The following ADD1 variants were observed in gnomAD, a reference collection of about 807,000 sequenced individuals.
ADD1 encodes the protein alpha-adducin.
Under a neutral mutation model 80.5 loss-of-function variants are expected in ADD1, and 24 were observed. The ratio of observed to expected loss-of-function variants is 0.30; its 90% confidence interval spans 0.22 to 0.42. The LOEUF is 0.42. Ranked by LOEUF, ADD1 falls within the 10% of genes least tolerant of loss-of-function variation. The pLI, the probability that ADD1 is intolerant of heterozygous loss-of-function variation, is 1.00. For missense variants in ADD1, 948 were observed against 1,019.0 expected, an observed-to-expected ratio of 0.93 and a Z score of 0.95; for synonymous variants, 373 against 393.8, an observed-to-expected ratio of 0.95 and a Z score of 0.63.
chr4:2,866,175 A>G (rs541701127), intron 1 of ADD1, among the ~76,000 whole-genome samples: 4 of 152,194 alleles, frequency 2.6e-5, no homozygotes, highest in Admixed American at 1.3e-4. Context: ...ATGTTATTTT[A>G]TTTTATTTTT....
intron 6 of ADD1, among the ~76,000 whole-genome samples, chr4:2,895,615 G>A (rs995921325): frequency 6.6e-6 from 1 of 152,158 alleles, no homozygotes; most frequent in African/African-American, 2.4e-5. Context: ...TGGGAGAGGA[G>A]ACACAGGCAG....
Position 2,895,147 on chromosome 4 carries a change from A to C in ADD1, c.741+416A>C, listed in dbSNP as rs181426263. ...GTGGTGCGTGCCTGTACTTCCAGCT[A>C]CTTGGGAGGCTGAGGTGGGAAGATT... On this transcript the variant is annotated intron_variant, in intron 6 of 15. Transcript: ENST00000683351. 1.4e-4 allele frequency among the ~76,000 whole-genome samples: 21 copies of C among 152,234 alleles called. No individual in the cohort carries two copies. In the East Asian group the frequency reaches 3.9e-3, roughly 28 times the overall value.
chr4:2,848,031 A>G lies in ADD1; in HGVS notation c.-21+4007A>G, dbSNP rs369626067. Among the ~76,000 whole-genome samples, 166 of 152,244 alleles carry G rather than the reference A, an allele frequency of 1.1e-3. 1 individual carries two copies. The highest frequency in any genetic ancestry group is 3.6e-3 in the Admixed American group (55 of 15,298). On this transcript the variant is annotated intron_variant, in intron 1 of 15. Coordinates refer to ENST00000683351, the MANE Select transcript of ADD1 (RefSeq NM_001354761.2). ...GGAGTTCGAGGCCAGCCTGGCCAGC[A>G]TGATGAAACCCTGTCTCTACTAAAA...
chr4:2,860,238 C>T (rs1010112177), intron 1 of ADD1, among the ~76,000 whole-genome samples: 1 of 152,110 alleles, frequency 6.6e-6, no homozygotes, highest in Non-Finnish European at 1.5e-5. Flanking sequence ...GTCTCCAAAT[C>T]GAGTCATCTA....
chr4:2,891,551 G>A (rs1734306042), intron 4 of ADD1, among the ~76,000 whole-genome samples: 1 of 152,204 alleles, frequency 6.6e-6, no homozygotes, highest in Non-Finnish European at 1.5e-5. Flanking sequence ...GAGACTGGGT[G>A]TTGTAGTTCA....
At chr4:2,876,943 A>G (rs1183765509) in intron 2 of ADD1, among the ~76,000 whole-genome samples, 1 of 150,472 alleles carries the variant, frequency 6.6e-6, no homozygotes, top group Non-Finnish European at 1.5e-5. Context: ...CGGAGGTTGC[A>G]GTGAGCGGAG....
chr4:2,872,783 C>T (rs76827810), intron 1 of ADD1, among the ~76,000 whole-genome samples: 2,640 of 152,222 alleles, frequency 0.017, 55 homozygotes, highest in African/African-American at 0.045. Context: ...CAGCTTGGAA[C>T]TCCTGGGCTC....
At position 2,899,301 on chromosome 4, in the gene ADD1, C is replaced by T; in HGVS notation, c.1027C>T (p.Leu343=). The T allele has an allele frequency of 6.2e-7, 1 of 1,614,102 alleles. No individual in the cohort carries two copies. Among genetic ancestry groups the T allele is most frequent in the Non-Finnish European group, 8.5e-7 (1 of 1,180,000 alleles). The change falls in exon 9 of 16, where the codon CTG becomes TTG. Residue 343 remains leucine, a synonymous_variant. Coordinates refer to ENST00000683351, the MANE Select transcript of ADD1 (RefSeq NM_001354761.2). The stretch of plus-strand genomic sequence containing the variant: ...TGCAGGAGGACCAGACAACTTAGTC[C>T]TGCTGAATCCTGAGAAGTACAAAGC... ...ASAGGPDNLV[L]LNPEKYKAKS... is the part of the protein sequence containing the mutation.
chr4:2,875,083 G>A (rs974263484), intron 1 of ADD1, among the ~76,000 whole-genome samples: 1 of 151,922 alleles, frequency 6.6e-6, no homozygotes, highest in African/African-American at 2.4e-5. Context: ...TAAAAAATTC[G>A]CCGGGCATGG....
At chr4:2,865,413 T>G (rs980274779) in intron 1 of ADD1, among the ~76,000 whole-genome samples, 4 of 152,252 alleles carry the variant, frequency 2.6e-5, no homozygotes, top group Non-Finnish European at 5.9e-5. Flanking sequence ...GTTTCAGAGT[T>G]AATGAAGTAT....
Position 2,852,762 on chromosome 4 carries a change from G to A in ADD1, c.-21+8738G>A, listed in dbSNP as rs534999180. Among the ~76,000 whole-genome samples, 21 of 147,776 alleles carry A rather than the reference G, an allele frequency of 1.4e-4. No homozygotes were observed. In the South Asian group the frequency reaches 3.6e-3, roughly 26 times the overall value. On this transcript the variant is annotated intron_variant, in intron 1 of 15. Coordinates refer to ENST00000683351, the MANE Select transcript of ADD1 (RefSeq NM_001354761.2). The stretch of plus-strand genomic sequence containing the variant: ...CACCCAGGCTGAAGTGCAGCGGTGC[G>A]ATCTTGGCTCTCACTGCAGCCTTGA...
intron 1 of ADD1, among the ~76,000 whole-genome samples, chr4:2,852,602 C>A (rs1384275879): frequency 6.6e-6 from 1 of 151,904 alleles, no homozygotes; most frequent in Non-Finnish European, 1.5e-5. Context: ...ACAGAATCAC[C>A]AGCAATGTCA....
intron 14 of ADD1, among the ~76,000 whole-genome samples, chr4:2,919,130 C>T (rs1442899764): frequency 6.6e-6 from 1 of 152,144 alleles, no homozygotes; most frequent in African/African-American, 2.4e-5. Flanking sequence ...TGAGCCACCG[C>T]ACCTGGTTGA....
intron 1 of ADD1, among the ~76,000 whole-genome samples, chr4:2,862,998 A>G (rs770430376): frequency 1.6e-4 from 24 of 152,068 alleles, no homozygotes; most frequent in Admixed American, 5.9e-4. Flanking sequence ...TCCATGACCC[A>G]ACTATAGAGA....
intron 15 of ADD1, among the ~76,000 whole-genome samples, chr4:2,927,298 G>C (rs1711937546): frequency 6.6e-6 from 1 of 152,200 alleles, no homozygotes; most frequent in Non-Finnish European, 1.5e-5. Context: ...CCTGGAATTA[G>C]CCTGGGGCAG....
rs1367621843 is a variant in ADD1 at position 2,915,087 on chromosome 4, G to T, written c.1948+47G>T. ...CACGGCCACTCCAGAAGGTGAAAGT[G>T]CTCTGGGAGCTTCTTTGTGGTCCAG... On this transcript the variant is annotated intron_variant, in intron 14 of 15. Transcript: ENST00000683351. The T allele has an allele frequency of 4.5e-6, 7 of 1,548,020 alleles. No homozygotes were observed. In the African/African-American group the frequency reaches 9.6e-5, roughly 21 times the overall value.
chr4:2,848,523 TA>T (rs1167172038), intron 1 of ADD1, among the ~76,000 whole-genome samples: 1 of 152,178 alleles, frequency 6.6e-6, no homozygotes, highest in African/African-American at 2.4e-5. Context: ...GGCGGGAATA[TA>T]GTGATGTGAT....
intron 1 of ADD1, among the ~76,000 whole-genome samples, chr4:2,866,441 G>T (rs1729565804): frequency 1.3e-5 from 2 of 151,678 alleles, no homozygotes; most frequent in African/African-American, 4.8e-5. Flanking sequence ...CTCCCAGAGT[G>T]CTGGGATTAC....
At chr4:2,849,783 A>G (rs1348536042) in intron 1 of ADD1, among the ~76,000 whole-genome samples, 1 of 152,204 alleles carries the variant, frequency 6.6e-6, no homozygotes, top group Non-Finnish European at 1.5e-5. Context: ...AGCCGTAACC[A>G]TAGGCAGTGT....
Sources: gnomAD v4.1 joint callset for allele counts (sites outside exome capture counted in the v4.1 genomes callset) on GRCh38, gnomAD v4.1.1 for gene constraint, MANE v1.5 for transcripts, NCBI Gene and HGNC (gene_info 2026-07-23, HGNC 2026-07-21) for gene names.